The following CHST9 variants were observed in gnomAD, a reference collection of about 807,000 sequenced individuals.
CHST9 encodes the protein GalNAc-4-sulfotransferase 2.
A neutral mutation model predicts 44.4 loss-of-function variants in CHST9; 41 were observed. The observed-to-expected ratio is 0.92, with a 90% CI of 0.72 to 1.20. The LOEUF is 1.20. CHST9 is among the 50% of genes most tolerant of loss of function. The probability of loss-of-function intolerance (pLI) is 0.00; values close to 1 mark genes in which losing one functional copy is unlikely to be tolerated. For synonymous variants in CHST9, 171 were observed against 178.4 expected (o/e 0.96, Z 0.33); for missense variants, 504 against 516.5 (o/e 0.98, Z 0.23).
At chr18:26,939,671 A>G (rs1424796531) in intron 5 of CHST9, among the ~76,000 whole-genome samples, 1 of 152,116 alleles carries the variant, frequency 6.6e-6, no homozygotes, top group Non-Finnish European at 1.5e-5. Context: ...GAGGCTTAAG[A>G]AGCCCTGCTG....
At chr18:27,080,028 G>C (rs1331276220) in intron 2 of CHST9, among the ~76,000 whole-genome samples, 1 of 152,114 alleles carries the variant, frequency 6.6e-6, no homozygotes, top group Non-Finnish European at 1.5e-5. Context: ...CTGGGGGTTA[G>C]ATTGTGGATA....
chr18:27,050,978 A>G (rs1208436166), intron 2 of CHST9, among the ~76,000 whole-genome samples: 2 of 152,228 alleles, frequency 1.3e-5, no homozygotes, highest in East Asian at 3.8e-4. Context: ...TGGTGTAGTG[A>G]TCAAGGTATC....
intron 4 of CHST9, among the ~76,000 whole-genome samples, chr18:26,948,295 T>C (rs777759821): frequency 1.3e-5 from 2 of 152,054 alleles, no homozygotes; most frequent in Non-Finnish European, 2.9e-5. Flanking sequence ...ATATCTAATG[T>C]AGATGATGGG....
intron 4 of CHST9, among the ~76,000 whole-genome samples, chr18:27,016,782 A>G (rs909624931): frequency 5.9e-5 from 9 of 152,202 alleles, no homozygotes; most frequent in Non-Finnish European, 1.3e-4. Flanking sequence ...TACATCTATG[A>G]TGACAGATAT....
intron 4 of CHST9, among the ~76,000 whole-genome samples, chr18:26,975,273 C>A (rs2056603263): frequency 6.6e-6 from 1 of 152,106 alleles, no homozygotes; most frequent in South Asian, 2.1e-4. Context: ...CTCAGCCTGA[C>A]TTTCCTTTTT....
chr18:27,104,226 T>C (rs930810489), intron 2 of CHST9, among the ~76,000 whole-genome samples: 1 of 149,798 alleles, frequency 6.7e-6, no homozygotes, highest in South Asian at 2.1e-4. Flanking sequence ...ATCTTATAAA[T>C]TGCAACAGAT....
intron 5 of CHST9, among the ~76,000 whole-genome samples, chr18:26,932,667 T>C (rs149375): frequency 2.6e-5 from 4 of 152,168 alleles, no homozygotes; most frequent in African/African-American, 9.7e-5. Flanking sequence ...ATCTCCATGG[T>C]GATTTCTACA....
At position 27,076,901 on chromosome 18, in the gene CHST9, T is replaced by C. The variant is rs78339360; in HGVS notation, c.122-28398A>G. ...CTGAAGGGGGAGAATAATCAATCAT[T>C]TAACCACACATTTAGCTCTTTAGAG... On this transcript the variant is annotated intron_variant, in intron 2 of 5. Coordinates refer to ENST00000618847, the MANE Select transcript of CHST9 (RefSeq NM_031422.6). Among the ~76,000 whole-genome samples the C allele has an allele frequency of 4.4e-3, 674 of 152,288 alleles. 4 individuals carry two copies. Among genetic ancestry groups the C allele is most frequent in the African/African-American group, 0.016 (654 of 41,562 alleles).
intron 4 of CHST9, 34 bp downstream of exon 4, chr18:27,024,082 C>T (rs756106592): frequency 2.5e-6 from 4 of 1,602,920 alleles, no homozygotes; most frequent in Admixed American, 3.4e-5. Context: ...TCTATAACTA[C>T]CCAAGATTCA....
chr18:27,093,155 A>G (rs2058085383), intron 2 of CHST9, among the ~76,000 whole-genome samples: 1 of 152,206 alleles, frequency 6.6e-6, no homozygotes, highest in African/African-American at 2.4e-5. Context: ...ATCAGCCCCT[A>G]CTGGGACCTA....
At chr18:26,933,140 T>C (rs2145090945) in intron 5 of CHST9, 1 of 153,922 alleles carries the variant, frequency 6.5e-6, no homozygotes, top group East Asian at 1.9e-4. Context: ...GTGAGATGCA[T>C]ATCCCACATC....
At chr18:27,065,725 A>G (rs1442754361) in intron 2 of CHST9, among the ~76,000 whole-genome samples, 1 of 152,194 alleles carries the variant, frequency 6.6e-6, no homozygotes, top group African/African-American at 2.4e-5. Context: ...GATACAATCA[A>G]TAAGAAATTC....
intron 5 of CHST9, among the ~76,000 whole-genome samples, chr18:26,921,320 C>T (rs1329686585): frequency 6.6e-6 from 1 of 152,122 alleles, no homozygotes; most frequent in African/African-American, 2.4e-5. Flanking sequence ...GGGGAGATAA[C>T]CTCATGAGGG....
At chr18:27,015,596 TC>T (rs1194679302) in intron 4 of CHST9, among the ~76,000 whole-genome samples, 2 of 152,018 alleles carry the variant, frequency 1.3e-5, no homozygotes, top group African/African-American at 4.8e-5. Flanking sequence ...TGTACATACT[TC>T]CTAATAGCAG....
intron 2 of CHST9, among the ~76,000 whole-genome samples, chr18:27,065,165 C>G (rs762083196): frequency 6.6e-6 from 1 of 152,176 alleles, no homozygotes; most frequent in Non-Finnish European, 1.5e-5. Context: ...GGGTAAAGAA[C>G]AGCTCACAGC....
chr18:27,167,536 C>T lies in CHST9; in HGVS notation c.-97+17600G>A, dbSNP rs1354072367. 3.3e-5 allele frequency among the ~76,000 whole-genome samples: 5 copies of T among 152,358 alleles called. No individual in the cohort carries two copies. In the East Asian group the frequency reaches 9.6e-4, roughly 29 times the overall value. On this transcript the variant is annotated intron_variant, in intron 1 of 5. Transcript: ENST00000618847. ...TTACTCTAGCATACTCTGATGATAA[C>T]AGCAATACTTTAGTTGTCATTCATC...
At chr18:26,926,394 G>A (rs1048520847) in intron 5 of CHST9, among the ~76,000 whole-genome samples, 9 of 152,022 alleles carry the variant, frequency 5.9e-5, no homozygotes, top group Non-Finnish European at 1.3e-4. Flanking sequence ...TGAATGTCAA[G>A]GAGAAGTTTC....
chr18:27,132,032 A>C (rs1202994128), intron 2 of CHST9, among the ~76,000 whole-genome samples: 1 of 152,164 alleles, frequency 6.6e-6, no homozygotes, highest in Non-Finnish European at 1.5e-5. Context: ...GTATAAAACC[A>C]AACCGTCATC....
intron 2 of CHST9, among the ~76,000 whole-genome samples, chr18:27,062,310 C>T (rs1446329216): frequency 1.3e-5 from 2 of 151,928 alleles, no homozygotes; most frequent in Admixed American, 6.6e-5. Flanking sequence ...ATCCCTCCCA[C>T]CTCCCCCCAC....
Sources: gnomAD v4.1 joint callset for allele counts (sites outside exome capture counted in the v4.1 genomes callset) on GRCh38, gnomAD v4.1.1 for gene constraint, MANE v1.5 for transcripts, NCBI Gene and HGNC (gene_info 2026-07-23, HGNC 2026-07-21) for gene names.